ERBB4: variants seen among roughly 807,000 people sequenced by gnomAD.
ERBB4 encodes receptor tyrosine-protein kinase erbB-4.
A neutral mutation model predicts 158.0 loss-of-function variants in ERBB4; 42 were observed. The ratio of observed to expected loss-of-function variants is 0.27; its 90% CI spans 0.21 to 0.34. The LOEUF (loss-of-function observed/expected upper bound fraction) is 0.34, where lower values mean the gene tolerates loss of function less well. Among genes scored for constraint, ERBB4 ranks in the 10% least tolerant of loss-of-function variants. ERBB4 has a pLI of 1.00. For synonymous variants in ERBB4, 583 were observed against 558.7 expected (o/e 1.04, Z -0.61); for missense variants, 1,333 against 1,624.1 (o/e 0.82, Z 3.08).
chr2:211,911,560 C>G (rs149070048), intron 3 of ERBB4, among the ~76,000 whole-genome samples: 1 of 152,114 alleles, frequency 6.6e-6, no homozygotes, highest in Non-Finnish European at 1.5e-5. Context: ...GCCACCATGC[C>G]CAGCCTACTT....
At chr2:212,183,137 T>A (rs572219944) in intron 1 of ERBB4, among the ~76,000 whole-genome samples, 22 of 152,018 alleles carry the variant, frequency 1.4e-4, no homozygotes, top group Non-Finnish European at 2.1e-4. Flanking sequence ...TTAAAATAAA[T>A]GTATGTATAT....
At chr2:211,944,179 ATATATATATATATATATATAC>A (rs2080598025) in intron 3 of ERBB4, among the ~76,000 whole-genome samples, 2 of 5,412 alleles carry the variant, frequency 3.7e-4, no homozygotes, top group Non-Finnish European at 7.3e-4. Context: ...TATATATACT[ATATATATATATATATATATAC>A]TATATATATA....
At chr2:211,924,201 T>G (rs1414160700) in intron 3 of ERBB4, among the ~76,000 whole-genome samples, 1 of 152,086 alleles carries the variant, frequency 6.6e-6, no homozygotes, top group Non-Finnish European at 1.5e-5. Flanking sequence ...TTGCTAGGAG[T>G]CCCATAGCAC....
At chr2:212,143,530 G>T (rs1347124380) in intron 1 of ERBB4, among the ~76,000 whole-genome samples, 1 of 152,018 alleles carries the variant, frequency 6.6e-6, no homozygotes, top group Non-Finnish European at 1.5e-5. Context: ...TAGCAACGAG[G>T]TGATAGAAAT....
chr2:211,466,229 A>C (rs1322113799), intron 20 of ERBB4, among the ~76,000 whole-genome samples: 1 of 152,018 alleles, frequency 6.6e-6, no homozygotes, highest in Non-Finnish European at 1.5e-5. Flanking sequence ...GTTTAGCGTA[A>C]TAGCCTTCAC....
intron 20 of ERBB4, among the ~76,000 whole-genome samples, chr2:211,501,929 G>A (rs55831420): frequency 1.3e-5 from 2 of 152,042 alleles, no homozygotes; most frequent in Non-Finnish European, 2.9e-5. Context: ...ATTTATTAAC[G>A]ACTTGGCTAT....
intron 1 of ERBB4, among the ~76,000 whole-genome samples, chr2:212,262,352 T>G (rs2106090488): frequency 6.6e-6 from 1 of 152,248 alleles, no homozygotes; most frequent in South Asian, 2.1e-4. Flanking sequence ...CAAGCCTTGT[T>G]TCTCCTCCAT....
At chr2:211,686,898 C>T (rs1374818862) in intron 12 of ERBB4, among the ~76,000 whole-genome samples, 1 of 151,844 alleles carries the variant, frequency 6.6e-6, no homozygotes, top group Non-Finnish European at 1.5e-5. Context: ...TTTATGAATA[C>T]TAATATTCAA....
At chr2:211,512,664 T>A (rs2065911535) in intron 20 of ERBB4, among the ~76,000 whole-genome samples, 1 of 152,190 alleles carries the variant, frequency 6.6e-6, no homozygotes, top group Non-Finnish European at 1.5e-5. Flanking sequence ...CTTTTCATTT[T>A]CATTTCTATG....
intron 3 of ERBB4, among the ~76,000 whole-genome samples, chr2:211,868,283 A>T (rs1245996182): frequency 1.3e-5 from 2 of 152,236 alleles, no homozygotes; most frequent in Non-Finnish European, 2.9e-5. Context: ...CTCACAGAAA[A>T]TGTGTATTTG....
At chr2:212,415,112 G>C (rs1264114410) in intron 1 of ERBB4, among the ~76,000 whole-genome samples, 2 of 152,074 alleles carry the variant, frequency 1.3e-5, no homozygotes, top group African/African-American at 4.8e-5. Flanking sequence ...CAGTAGGTCT[G>C]GAACCTAATT....
chr2:212,135,875 A>G (rs1337093193), intron 1 of ERBB4, among the ~76,000 whole-genome samples: 1 of 152,240 alleles, frequency 6.6e-6, no homozygotes, highest in African/African-American at 2.4e-5. Context: ...GTCATCTGCC[A>G]TCTGCCCCAT....
chr2:212,235,917 G>T (rs1411177995), intron 1 of ERBB4, among the ~76,000 whole-genome samples: 1 of 152,166 alleles, frequency 6.6e-6, no homozygotes, highest in Non-Finnish European at 1.5e-5. Context: ...TCTGCAAACA[G>T]ACATTTTGAC....
At chr2:211,392,602 C>T (rs57380151) in intron 25 of ERBB4, among the ~76,000 whole-genome samples, 1 of 121,760 alleles carries the variant, frequency 8.2e-6, no homozygotes, top group Non-Finnish European at 1.8e-5. Flanking sequence ...ACACACACAC[C>T]CCAATAATGA....
intron 3 of ERBB4, among the ~76,000 whole-genome samples, chr2:211,891,395 G>A (rs1188414648): frequency 0.013 from 1,201 of 94,972 alleles, 11 homozygotes; most frequent in Middle Eastern, 0.024. Context: ...TCTCTGGGAC[G>A]CATTCAAAGC....
At chr2:212,236,899 A>C (rs983993452) in intron 1 of ERBB4, among the ~76,000 whole-genome samples, 2 of 151,850 alleles carry the variant, frequency 1.3e-5, no homozygotes, top group Non-Finnish European at 2.9e-5. Context: ...CTATTTTGTT[A>C]ACCTTTTCAA....
intron 2 of ERBB4, among the ~76,000 whole-genome samples, chr2:211,963,595 A>C (rs912708301): frequency 1.3e-5 from 2 of 152,124 alleles, no homozygotes; most frequent in African/African-American, 4.8e-5. Context: ...ATCTATTTAT[A>C]AGGGTAAATA....
At chr2:212,001,223 C>A (rs911832842) in intron 2 of ERBB4, among the ~76,000 whole-genome samples, 1 of 151,990 alleles carries the variant, frequency 6.6e-6, no homozygotes, top group African/African-American at 2.4e-5. Context: ...ATTTAAATTT[C>A]TAAATATGGG....
At chr2:211,790,841 G>A (rs2076263567) in intron 3 of ERBB4, among the ~76,000 whole-genome samples, 1 of 151,790 alleles carries the variant, frequency 6.6e-6, no homozygotes, top group Non-Finnish European at 1.5e-5. Context: ...TTCTGCTGTT[G>A]AATGTCAAAG....
Sources: allele counts gnomAD v4.1 joint callset (sites outside exome capture counted in the v4.1 genomes callset), GRCh38; gene constraint gnomAD v4.1.1; transcripts MANE v1.5; gene names NCBI Gene and HGNC (gene_info 2026-07-23, HGNC 2026-07-21).